The following IGF1R variants were observed in gnomAD, a reference collection of about 807,000 sequenced individuals.
IGF1R encodes the protein insulin-like growth factor 1 receptor.
IGF1R carries 44 observed loss-of-function variants against 144.6 expected under a neutral mutation model. The ratio of observed to expected loss-of-function variants is 0.30; its 90% CI spans 0.24 to 0.39. The LOEUF (loss-of-function observed/expected upper bound fraction) is 0.39, where lower values mean the gene tolerates loss of function less well. Ranked by LOEUF, IGF1R falls within the 10% of genes least tolerant of loss-of-function variation. IGF1R has a pLI of 1.00. For synonymous variants in IGF1R, 795 were observed against 722.8 expected, an observed-to-expected ratio of 1.10 and a Z score of -1.60; for missense variants, 1,355 against 1,833.7, an observed-to-expected ratio of 0.74 and a Z score of 4.77.
rs531640827 is a variant in IGF1R, at chr15:98,959,885, GTTTTC to G, written c.*2448_*2452del. ...AAAAAAAAAGGTATTATATGTAGGA[GTTTTC>G]TTTTAATTTATTTTGTGATAAATTA... On this transcript the variant is annotated 3_prime_UTR_variant, in exon 21 of 21. Coordinates refer to ENST00000650285, the MANE Select transcript of IGF1R (RefSeq NM_000875.5). 3.7e-4 allele frequency: 85 copies of G among 231,998 alleles called. 1 individual carries two copies. The South Asian group carries it at 4.6e-3, about 12-fold the overall frequency. The allele number at this position is 231,998 out of a possible 1,614,324, so 14.4% of individuals were successfully genotyped here.
chr15:98,787,100 G>A (rs1276754002), intron 2 of IGF1R, among the ~76,000 whole-genome samples: 1 of 152,126 alleles, frequency 6.6e-6, no homozygotes, highest in Admixed American at 6.5e-5. Context: ...GACCTCCTTC[G>A]GGGCTGGGAC....
At chr15:98,713,169 C>G (rs1402036875) in intron 2 of IGF1R, among the ~76,000 whole-genome samples, 1 of 152,036 alleles carries the variant, frequency 6.6e-6, no homozygotes, top group African/African-American at 2.4e-5. Context: ...GATGTAAAGG[C>G]TCTGCAGATT....
At chr15:98,783,361 A>G (rs868367380) in intron 2 of IGF1R, among the ~76,000 whole-genome samples, 1 of 152,202 alleles carries the variant, frequency 6.6e-6, no homozygotes, top group Non-Finnish European at 1.5e-5. Flanking sequence ...TTCTCTCTAT[A>G]TAAAATTTTA....
chr15:98,782,352 A>T (rs900906735), intron 2 of IGF1R, among the ~76,000 whole-genome samples: 3 of 152,102 alleles, frequency 2.0e-5, no homozygotes, highest in South Asian at 2.1e-4. Flanking sequence ...GTAAATTCTG[A>T]TTTTTATGTT....
At chr15:98,775,685 G>T (rs1035203826) in intron 2 of IGF1R, among the ~76,000 whole-genome samples, 8 of 152,182 alleles carry the variant, frequency 5.3e-5, no homozygotes, top group Non-Finnish European at 1.2e-4. Context: ...TCCCTGGTCC[G>T]CACTGAAGGA....
chr15:98,741,071 G>A lies in IGF1R; in HGVS notation c.640+32964G>A, dbSNP rs569796397. Among the ~76,000 whole-genome samples the A allele has an allele frequency of 1.1e-4, 17 of 152,204 alleles. No individual in the cohort carries two copies. The East Asian group carries it at 3.3e-3, about 29-fold the overall frequency. On this transcript the variant is annotated intron_variant, in intron 2 of 20. Transcript: ENST00000650285. ...TTATTTTTTTAAAAAGCTTTACGCT[G>A]TGTAAATTGTGGGTTGACTTCATGT...
At chr15:98,805,642 G>A (rs922583150) in intron 2 of IGF1R, among the ~76,000 whole-genome samples, 1 of 152,156 alleles carries the variant, frequency 6.6e-6, no homozygotes, top group Non-Finnish European at 1.5e-5. Flanking sequence ...AGGTCAGGAG[G>A]AAGTATTTGT....
At chr15:98,862,555 A>G (rs1188833137) in intron 2 of IGF1R, among the ~76,000 whole-genome samples, 2 of 152,240 alleles carry the variant, frequency 1.3e-5, no homozygotes, top group Admixed American at 6.5e-5. Flanking sequence ...TCATATCTCT[A>G]AACTAGGGAT....
At chr15:98,909,182 A>C (rs541528779) in intron 6 of IGF1R, among the ~76,000 whole-genome samples, 1 of 152,162 alleles carries the variant, frequency 6.6e-6, no homozygotes, top group South Asian at 2.1e-4. Flanking sequence ...CAGAATGCAC[A>C]GTTAAATGTC....
At chr15:98,773,875 T>C (rs1025925836) in intron 2 of IGF1R, among the ~76,000 whole-genome samples, 1 of 152,060 alleles carries the variant, frequency 6.6e-6, no homozygotes, top group African/African-American at 2.4e-5. Flanking sequence ...GACAAAGCCA[T>C]TGTGGGGTGA....
intron 2 of IGF1R, among the ~76,000 whole-genome samples, chr15:98,848,416 A>G (rs1295361005): frequency 6.6e-6 from 1 of 152,224 alleles, no homozygotes; most frequent in African/African-American, 2.4e-5. Context: ...CATTGCTAAT[A>G]CAGTCAGCCC....
At chr15:98,878,163 G>A (rs1403833700) in intron 2 of IGF1R, among the ~76,000 whole-genome samples, 1 of 152,222 alleles carries the variant, frequency 6.6e-6, no homozygotes, top group Non-Finnish European at 1.5e-5. Context: ...TTTAGGAGAT[G>A]CAGCCAAAAC....
chr15:98,922,237 A>G lies in IGF1R; in HGVS notation c.2291A>G (p.Asn764Ser), dbSNP rs753203343. The change falls in exon 11 of 21, where the codon AAC (asparagine) becomes AGC (serine). Residue 764 changes from asparagine (N) to serine (S), a missense_variant. This residue lies in a region of IGF1R where 880 missense variants were observed against 1,202.7 expected (regional missense o/e 0.73). Coordinates refer to ENST00000650285, the MANE Select transcript of IGF1R (RefSeq NM_000875.5). ...AACACCACGGCCGCAGACACCTACA[A>G]CATCACCGACCCGGAAGAGCTGGAG... ...SRNTTAADTY[N>S]ITDPEELETE... The G allele has an allele frequency of 6.2e-7, 1 of 1,614,162 alleles. No homozygotes were observed. The highest frequency in any genetic ancestry group is 8.5e-7 in the Non-Finnish European group (1 of 1,180,018).
chr15:98,650,221 C>T (rs1369182255), intron 1 of IGF1R, among the ~76,000 whole-genome samples: 3 of 152,132 alleles, frequency 2.0e-5, no homozygotes, highest in African/African-American at 7.2e-5. Flanking sequence ...CGGAGAGGCC[C>T]CGAAGCCCCA....
intron 20 of IGF1R, among the ~76,000 whole-genome samples, chr15:98,950,139 G>A (rs1203280275): frequency 6.6e-6 from 1 of 152,208 alleles, no homozygotes; most frequent in Non-Finnish European, 1.5e-5. Flanking sequence ...AGGATCCTGA[G>A]GAATTGCTGG....
intron 1 of IGF1R, among the ~76,000 whole-genome samples, chr15:98,661,377 G>A (rs570805610): frequency 6.6e-6 from 1 of 152,292 alleles, no homozygotes; most frequent in South Asian, 2.1e-4. Flanking sequence ...GTGTCAAGGG[G>A]ACTCCTGAAC....
rs147509239 is a variant in IGF1R, at chr15:98,915,596, C to T, written c.1829-368C>T. ...CTGTTTTACCAGTTGTCGAAATTGC[C>T]GGAGTGCAGCACTGTGGAGAATGGC... On this transcript the variant is annotated intron_variant, in intron 8 of 20. Transcript: ENST00000650285. Among the ~76,000 whole-genome samples the T allele has an allele frequency of 3.1e-3, 478 of 152,280 alleles. 3 individuals are homozygous for T. Among genetic ancestry groups the T allele is most frequent in the African/African-American group, 0.011 (437 of 41,558 alleles).
At chr15:98,942,809 C>T (rs1596475903) in intron 18 of IGF1R, 114 bp from the exon 19 acceptor site, 9 of 1,368,486 alleles carry the variant, frequency 6.6e-6, no homozygotes, top group East Asian at 2.3e-5. Flanking sequence ...TAAAGTGGGA[C>T]GTGTCTGTGT....
chr15:98,938,030 T>C lies in IGF1R; in HGVS notation c.3298-1171T>C, dbSNP rs147569877. ...ATTCAAAGGTTTGTGTCACCAAGTG[T>C]AGAGAACCAACCCAGAAGTACCGAG... On this transcript the variant is annotated intron_variant, in intron 17 of 20. Coordinates refer to ENST00000650285, the MANE Select transcript of IGF1R (RefSeq NM_000875.5). Among the ~76,000 whole-genome samples, 22 of 152,262 alleles carry C rather than the reference T, an allele frequency of 1.4e-4. 1 individual carries two copies. The East Asian group carries it at 4.2e-3, about 29-fold the overall frequency.
Sources: allele counts gnomAD v4.1 joint callset (sites outside exome capture counted in the v4.1 genomes callset), GRCh38; gene constraint gnomAD v4.1.1; regional missense constraint gnomAD v4.1.1; transcripts MANE v1.5; gene names NCBI Gene and HGNC (gene_info 2026-07-23, HGNC 2026-07-21).